The following TCF7L2 variants were observed in gnomAD, a reference collection of about 807,000 sequenced individuals.
TCF7L2 encodes the protein transcription factor 7-like 2.
Under a neutral mutation model 77.9 loss-of-function variants are expected in TCF7L2, and 23 were observed. That is an observed-to-expected ratio of 0.30 (90% confidence interval 0.21 to 0.42). TCF7L2 has a LOEUF of 0.42. Among genes scored for constraint, TCF7L2 ranks in the 10% least tolerant of loss-of-function variants. The pLI is 1.00. For synonymous variants in TCF7L2, 413 were observed against 340.2 expected (o/e 1.21, Z -2.36); for missense variants, 654 against 793.1 (o/e 0.82, Z 2.11).
chr10:113,145,489 C>G (rs2069197422), intron 7 of TCF7L2, among the ~76,000 whole-genome samples: 1 of 152,100 alleles, frequency 6.6e-6, no homozygotes, highest in Non-Finnish European at 1.5e-5. Flanking sequence ...CTTGGGGACT[C>G]TCCCCCCGGT....
In TCF7L2 at chr10:113,033,153, TTTTC is replaced by T. The variant is rs200434840; in HGVS notation, c.451-6868_451-6865del. Among the ~76,000 whole-genome samples, 884 of 152,150 alleles carry T rather than the reference TTTTC, an allele frequency of 5.8e-3. 5 individuals carry two copies. Among genetic ancestry groups the T allele is most frequent in the Middle Eastern group, 0.024 (7 of 294 alleles). Reference sequence around the variant, plus strand: ...AAATCTTTTTCTTTTTTATCTTTTCTTTTCTTTTTTTCTTTTCCCTCCCTCCCTC... The same window carrying T: ...AAATCTTTTTCTTTTTTATCTTTTCTTTTTTTTCTTTTCCCTCCCTCCCTC... On this transcript the variant is annotated intron_variant, in intron 4 of 13. Transcript: ENST00000627217.
At chr10:113,153,890 CTCATACTTT>C (rs1328559779) in intron 11 of TCF7L2, among the ~76,000 whole-genome samples, 1 of 152,230 alleles carries the variant, frequency 6.6e-6, no homozygotes, top group East Asian at 1.9e-4. Flanking sequence ...CCTCTTTCTT[CTCATACTTT>C]TAAACCCGTG....
intron 5 of TCF7L2, among the ~76,000 whole-genome samples, chr10:113,058,057 A>C (rs1303320063): frequency 6.6e-6 from 1 of 152,140 alleles, no homozygotes; most frequent in Non-Finnish European, 1.5e-5. Flanking sequence ...GGAAGAAGTT[A>C]ATGTCTTGCG....
At chr10:112,988,342 A>C (rs1392417826) in intron 4 of TCF7L2, among the ~76,000 whole-genome samples, 2 of 151,964 alleles carry the variant, frequency 1.3e-5, no homozygotes, top group South Asian at 4.1e-4. Context: ...CAGGTGATCC[A>C]CCCGCCTTAG....
chr10:112,961,877 G>A (rs1235760903), intron 3 of TCF7L2, among the ~76,000 whole-genome samples: 1 of 150,680 alleles, frequency 6.6e-6, no homozygotes, highest in African/African-American at 2.5e-5. Context: ...GTCTGTGGGC[G>A]CTCGCGTGTG....
At position 113,024,975 on chromosome 10, in the gene TCF7L2, C is replaced by G. The variant is rs145216317; in HGVS notation, c.451-15050C>G. 1.8e-3 allele frequency among the ~76,000 whole-genome samples: 280 copies of G among 152,206 alleles called. 1 individual carries two copies. Among genetic ancestry groups the G allele is most frequent in the Non-Finnish European group, 3.1e-3 (210 of 68,022 alleles). On this transcript the variant is annotated intron_variant, in intron 4 of 13. Transcript: ENST00000627217. ...TTTTAAATAATTTTTGTGCATGAAA[C>G]AGAGTTTTGACTGCATTTTGACTGT...
rs2073969065 is a variant in TCF7L2 at position 113,165,440 on chromosome 10, G to A, written c.1392-115G>A. Reference sequence around the variant, plus strand: ...TAATTGTCCTCGGACCACTGGGCGTGCCACCTCTGTGGGACATCCCTTAGG... The same window carrying A: ...TAATTGTCCTCGGACCACTGGGCGTACCACCTCTGTGGGACATCCCTTAGG... On this transcript the variant is annotated intron_variant, in intron 13 of 13. Coordinates refer to ENST00000627217, the MANE Select transcript of TCF7L2 (RefSeq NM_001146274.2). 8.5e-6 allele frequency: 10 copies of A among 1,180,764 alleles called. No homozygotes were observed. The Admixed American group carries it at 1.2e-4, about 15-fold the overall frequency. The allele number at this position is 1,180,764 out of a possible 1,614,324, so 73.1% of individuals were successfully genotyped here. A position where few individuals can be genotyped will look rare whatever the true frequency, so the allele number is the denominator to read the frequency against.
Position 112,951,535 on chromosome 10 carries a change from C to T in TCF7L2, c.309C>T (p.Tyr103=), listed in dbSNP as rs758018952. ...TTAAGGGGCCACCGTATCCCGGCTACCCCTTCATCATGATCCCCGACCTGA... is the reference window on the plus strand; with the variant it reads ...TTAAGGGGCCACCGTATCCCGGCTATCCCTTCATCATGATCCCCGACCTGA... The change falls in exon 3 of 14, where the codon TAC becomes TAT. Residue 103 remains tyrosine (Y), a synonymous_variant. Transcript: ENST00000627217. 9.1e-6 allele frequency: 13 copies of T among 1,428,008 alleles called. No individual in the cohort carries two copies. Among genetic ancestry groups the T allele is most frequent in the East Asian group, 3.5e-5 (1 of 28,846 alleles). 88.5% of individuals were successfully genotyped at this position (1,428,008 alleles called of 1,614,324 possible).
At chr10:113,038,456 G>C (rs959040250) in intron 4 of TCF7L2, among the ~76,000 whole-genome samples, 6 of 152,094 alleles carry the variant, frequency 3.9e-5, no homozygotes, top group African/African-American at 1.4e-4. Context: ...GTAGTTCTTG[G>C]GCAATGATCT....
At chr10:112,980,847 C>T (rs185162029) in intron 4 of TCF7L2, among the ~76,000 whole-genome samples, 7 of 152,162 alleles carry the variant, frequency 4.6e-5, no homozygotes, top group Admixed American at 3.9e-4. Context: ...AGGATGGTCT[C>T]GATCTCTTGA....
intron 13 of TCF7L2, chr10:113,161,205 G>A (rs760725354): frequency 2.0e-5 from 6 of 294,532 alleles, no homozygotes; most frequent in South Asian, 6.3e-5. Context: ...ATGTCTGTAC[G>A]GAGGAGCTTG....
At chr10:113,116,593 A>G (rs1224732692) in intron 5 of TCF7L2, among the ~76,000 whole-genome samples, 1 of 152,330 alleles carries the variant, frequency 6.6e-6, no homozygotes, top group East Asian at 1.9e-4. Context: ...ATCGTTGTTT[A>G]TAAGATTACA....
At chr10:113,067,274 A>G (rs1399600478) in intron 5 of TCF7L2, among the ~76,000 whole-genome samples, 1 of 152,216 alleles carries the variant, frequency 6.6e-6, no homozygotes, top group Non-Finnish European at 1.5e-5. Context: ...CTGGGTGTTG[A>G]GGTTGTCATA....
intron 5 of TCF7L2, among the ~76,000 whole-genome samples, chr10:113,126,362 T>C (rs1239303041): frequency 1.3e-5 from 2 of 152,174 alleles, no homozygotes; most frequent in African/African-American, 4.8e-5. Context: ...CCCTGCCTTC[T>C]CTGAATGGCA....
chr10:113,115,732 CT>C (rs2063641994), intron 5 of TCF7L2, among the ~76,000 whole-genome samples: 1 of 152,072 alleles, frequency 6.6e-6, no homozygotes, highest in Non-Finnish European at 1.5e-5. Context: ...TCTAATGGAG[CT>C]GTGTGCGGCC....
chr10:113,013,663 C>T (rs542843506), intron 4 of TCF7L2, among the ~76,000 whole-genome samples: 2 of 152,244 alleles, frequency 1.3e-5, no homozygotes, highest in South Asian at 2.1e-4. Flanking sequence ...GGCTCGTGGG[C>T]ATGTCTTTTT....
intron 5 of TCF7L2, among the ~76,000 whole-genome samples, chr10:113,068,809 C>T (rs537205374): frequency 9.9e-5 from 15 of 152,236 alleles, no homozygotes; most frequent in Admixed American, 3.9e-4. Flanking sequence ...TCAGCTTCTG[C>T]GCACTCTGAA....
chr10:113,028,133 TAG>T (rs2134004969), intron 4 of TCF7L2, among the ~76,000 whole-genome samples: 1 of 152,168 alleles, frequency 6.6e-6, no homozygotes, highest in South Asian at 2.1e-4. Context: ...GAGGAGCAAA[TAG>T]AGACAAGGAT....
intron 4 of TCF7L2, among the ~76,000 whole-genome samples, chr10:112,989,992 G>A (rs1437658135): frequency 6.6e-6 from 1 of 152,134 alleles, no homozygotes; most frequent in Non-Finnish European, 1.5e-5. Context: ...CGAATGTGTT[G>A]GCTTTGATGC....
Sources: gnomAD v4.1 joint callset for allele counts (sites outside exome capture counted in the v4.1 genomes callset) on GRCh38, gnomAD v4.1.1 for gene constraint, MANE v1.5 for transcripts, NCBI Gene and HGNC (gene_info 2026-07-23, HGNC 2026-07-21) for gene names.